The following MGAT5 variants were observed in gnomAD, a reference collection of about 807,000 sequenced individuals.
MGAT5 encodes alpha-1,6-mannosylglycoprotein 6-beta-N-acetylglucosaminyltransferase A.
Under a neutral mutation model 94.3 loss-of-function variants are expected in MGAT5, and 30 were observed. The ratio of observed to expected loss-of-function variants is 0.32; its 90% CI spans 0.24 to 0.43. MGAT5 has a LOEUF of 0.43. Ranked by LOEUF, MGAT5 falls within the 20% of genes least tolerant of loss-of-function variation. MGAT5 has a pLI of 1.00. For missense variants in MGAT5, 691 were observed against 905.5 expected (o/e 0.76, Z 3.04); for synonymous variants, 310 against 322.9 (o/e 0.96, Z 0.43).
chr2:134,138,943 A>G (rs998539193), intron 1 of MGAT5, among the ~76,000 whole-genome samples: 3 of 152,162 alleles, frequency 2.0e-5, no homozygotes, highest in African/African-American at 4.8e-5. Flanking sequence ...CAGGTCTCTG[A>G]TCTTAAATTG....
Position 134,172,599 on chromosome 2 carries a change from G to T in MGAT5, c.-143+52308G>T, listed in dbSNP as rs1309235512. 2.0e-5 allele frequency among the ~76,000 whole-genome samples: 3 copies of T among 152,246 alleles called. 1 individual carries two copies. The South Asian group carries it at 6.2e-4, about 32-fold the overall frequency. ...GACGGGTTTTCACCGTGTTAGCCAG[G>T]ATGGTCTCGATCTCCTGACCTCGTG... On this transcript the variant is annotated intron_variant, in intron 1 of 16. Transcript: ENST00000409645.
intron 10 of MGAT5, among the ~76,000 whole-genome samples, chr2:134,396,554 A>C (rs73958401): frequency 0.012 from 1,823 of 152,118 alleles, 32 homozygotes; most frequent in African/African-American, 0.042. Flanking sequence ...AACTCTTTTT[A>C]TTTTGTTTTT....
At chr2:134,147,405 T>A (rs1304136544) in intron 1 of MGAT5, among the ~76,000 whole-genome samples, 3 of 152,216 alleles carry the variant, frequency 2.0e-5, no homozygotes, top group Non-Finnish European at 4.4e-5. Flanking sequence ...CCCTTTTAAA[T>A]CCTAAGATAT....
chr2:134,425,402 G>A (rs1031134692), intron 13 of MGAT5, among the ~76,000 whole-genome samples: 2 of 151,666 alleles, frequency 1.3e-5, no homozygotes, highest in African/African-American at 4.9e-5. Context: ...TTTGTGGTTG[G>A]TTTTTGTGTG....
intron 4 of MGAT5, among the ~76,000 whole-genome samples, chr2:134,320,387 G>A (rs888004463): frequency 3.3e-5 from 5 of 150,974 alleles, no homozygotes; most frequent in South Asian, 2.1e-4. Context: ...TTTTTTTAAC[G>A]GTTGCAGAGA....
rs1454745235 is a variant in MGAT5 at position 134,450,454 on chromosome 2, G to C, written c.*1607G>C. 6.6e-6 allele frequency: 1 copy of C among 152,276 alleles called. No individual in the cohort carries two copies. The highest frequency in any genetic ancestry group is 1.9e-4 in the East Asian group (1 of 5,196). 9.4% of individuals were successfully genotyped at this position (152,276 alleles called of 1,614,324 possible). ...GAAGAATTCCGCTTCATGGGGACTA[G>C]AGTTAGTGTGGGGCCTTTAAGTCTG... On this transcript the variant is annotated 3_prime_UTR_variant, in exon 16 of 16. Coordinates refer to ENST00000281923, the MANE Select transcript of MGAT5 (RefSeq NM_002410.5).
chr2:134,123,413 C>G (rs1573696909), intron 1 of MGAT5, among the ~76,000 whole-genome samples: 1 of 152,208 alleles, frequency 6.6e-6, no homozygotes, highest in African/African-American at 2.4e-5. Flanking sequence ...AACTGCAGAG[C>G]AGTCATCTGT....
chr2:134,126,745 T>C (rs1291746837), intron 1 of MGAT5, among the ~76,000 whole-genome samples: 2 of 152,234 alleles, frequency 1.3e-5, no homozygotes, highest in Non-Finnish European at 2.9e-5. Flanking sequence ...TAGCCTTCTG[T>C]GGTTCCTCGC....
At chr2:134,315,294 C>G (rs575621477) in intron 2 of MGAT5, among the ~76,000 whole-genome samples, 6 of 152,272 alleles carry the variant, frequency 3.9e-5, no homozygotes, top group African/African-American at 1.4e-4. Context: ...TGTCTGATTA[C>G]CAACCCCAGG....
intron 1 of MGAT5, among the ~76,000 whole-genome samples, chr2:134,232,413 A>G (rs1432980313): frequency 1.3e-5 from 2 of 152,218 alleles, no homozygotes; most frequent in South Asian, 2.1e-4. Context: ...TTTTCAAAGT[A>G]TTTAGGTGTA....
intron 4 of MGAT5, among the ~76,000 whole-genome samples, chr2:134,323,442 C>T (rs1687447968): frequency 1.3e-5 from 2 of 152,072 alleles, no homozygotes; most frequent in Non-Finnish European, 2.9e-5. Context: ...AACCAGTCCC[C>T]AACAGATACT....
intron 10 of MGAT5, among the ~76,000 whole-genome samples, chr2:134,391,475 G>C (rs1446594236): frequency 6.6e-6 from 1 of 152,172 alleles, no homozygotes. Flanking sequence ...TGAGATCAGG[G>C]TGCCACTATG....
chr2:134,434,462 A>G lies in MGAT5; in HGVS notation c.1869+6023A>G, dbSNP rs1251372988. ...GAAGGATGCAGATGTTCTGTGTTCT[A>G]AGCAGGCTTGTTAACCAGATTGGAA... On this transcript the variant is annotated intron_variant, in intron 14 of 15. Coordinates refer to ENST00000281923, the MANE Select transcript of MGAT5 (RefSeq NM_002410.5). Among the ~76,000 whole-genome samples the G allele has an allele frequency of 2.0e-5, 3 of 152,228 alleles. No homozygotes were observed. In the East Asian group the frequency reaches 5.8e-4, roughly 29 times the overall value.
chr2:134,361,038 G>A (rs752857843), intron 9 of MGAT5, among the ~76,000 whole-genome samples: 161 of 152,354 alleles, frequency 1.1e-3, no homozygotes, highest in Non-Finnish European at 1.7e-3. Flanking sequence ...CGTGCATGGC[G>A]GGCGACATTG....
intron 1 of MGAT5, among the ~76,000 whole-genome samples, chr2:134,127,614 G>A (rs377491895): frequency 4.6e-5 from 7 of 151,450 alleles, no homozygotes; most frequent in East Asian, 3.9e-4. Flanking sequence ...CAGGCCTGGC[G>A]TGCTGGAGTC....
At chr2:134,146,607 T>C (rs1057413597) in intron 1 of MGAT5, among the ~76,000 whole-genome samples, 1 of 152,112 alleles carries the variant, frequency 6.6e-6, no homozygotes, top group African/African-American at 2.4e-5. Flanking sequence ...CTGGTAGTTA[T>C]GGAATGAGAA....
intron 14 of MGAT5, among the ~76,000 whole-genome samples, chr2:134,440,546 G>A (rs573448352): frequency 2.5e-4 from 38 of 152,332 alleles, no homozygotes; most frequent in Non-Finnish European, 4.3e-4. Flanking sequence ...GCTGCTTCCC[G>A]TCTGGCACCC....
Position 134,237,148 on chromosome 2 carries a change from T to TGTGTGTGTGTGTGTGCGC in MGAT5, c.-142-17113_-142-17112insTGTGTGTGTGTGTGCGCG, listed in dbSNP as rs374914892. ...ATGTGTGTGTGTGTGTGTGTGTGTGTGCGCGTGTGTGTGAATTTTTACCCT... is the reference window on the plus strand; with the variant it reads ...ATGTGTGTGTGTGTGTGTGTGTGTGTGTGTGTGTGTGTGTGCGCGCGCGTGTGTGTGAATTTTTACCCT... On this transcript the variant is annotated intron_variant, in intron 1 of 16. Transcript: ENST00000409645. 8.5e-5 allele frequency among the ~76,000 whole-genome samples: 12 copies of TGTGTGTGTGTGTGTGCGC among 140,834 alleles called. No homozygotes were observed. The East Asian group carries it at 2.2e-3, about 26-fold the overall frequency. 92.4% of individuals were successfully genotyped at this position (140,834 alleles called of 152,430 possible).
intron 10 of MGAT5, among the ~76,000 whole-genome samples, chr2:134,393,794 C>G (rs560215244): frequency 1.3e-5 from 2 of 152,308 alleles, no homozygotes; most frequent in African/African-American, 2.4e-5. Flanking sequence ...GTGGCCTGGT[C>G]TCATGTTTTA....
Sources: allele counts gnomAD v4.1 joint callset (sites outside exome capture counted in the v4.1 genomes callset), GRCh38; gene constraint gnomAD v4.1.1; transcripts MANE v1.5; gene names NCBI Gene and HGNC (gene_info 2026-07-23, HGNC 2026-07-21).